Variants in FGF14 observed in about 807,000 individuals in gnomAD.
The protein encoded by FGF14 is fibroblast growth factor 14, also known as fibroblast growth factor homologous factor 4.
FGF14 carries 5 observed loss-of-function variants against 25.5 expected under a neutral mutation model. The ratio of observed to expected loss-of-function variants is 0.20; its 90% CI spans 0.10 to 0.41. The LOEUF (loss-of-function observed/expected upper bound fraction) is 0.41. Ranked by LOEUF, FGF14 falls within the 10% of genes least tolerant of loss-of-function variation. The pLI is 1.00. For synonymous variants in FGF14, 138 were observed against 118.3 expected (o/e 1.17, Z -1.08); for missense variants, 222 against 320.1 (o/e 0.69, Z 2.34).
chr13:101,831,903 T>C (rs940420676), intron 3 of FGF14, among the ~76,000 whole-genome samples: 7 of 152,048 alleles, frequency 4.6e-5, no homozygotes, highest in African/African-American at 1.7e-4. Context: ...AAGCTGCCAA[T>C]ATTGGGCGTG....
At chr13:102,235,249 T>C (rs2051276958) in intron 1 of FGF14, among the ~76,000 whole-genome samples, 1 of 152,246 alleles carries the variant, frequency 6.6e-6, no homozygotes, top group Non-Finnish European at 1.5e-5. Context: ...TATGATCCAT[T>C]AATCATGTAG....
At chr13:101,724,597 A>AATATATATATAT (rs201033233) in intron 4 of FGF14, among the ~76,000 whole-genome samples, 2,253 of 120,738 alleles carry the variant, frequency 0.019, 33 homozygotes, top group Non-Finnish European at 0.03. Flanking sequence ...ATAATAATAA[A>AATATATATATAT]ATATATATAT....
chr13:101,948,466 A>AT (rs1173131821), intron 1 of FGF14, among the ~76,000 whole-genome samples: 1 of 142,378 alleles, frequency 7.0e-6, no homozygotes, highest in Non-Finnish European at 1.5e-5. Flanking sequence ...AAGTATAATA[A>AT]AAAAATATAT....
intron 1 of FGF14, among the ~76,000 whole-genome samples, chr13:102,396,637 C>G (rs2058591333): frequency 6.6e-6 from 1 of 152,210 alleles, no homozygotes; most frequent in East Asian, 1.9e-4. Context: ...TTAGCACTTT[C>G]AGAAAGTACT....
intron 1 of FGF14, among the ~76,000 whole-genome samples, chr13:102,275,240 C>CTCTCTCTA: frequency 1.1e-5 from 1 of 92,526 alleles, no homozygotes. Flanking sequence ...AGATTTCTCT[C>CTCTCTCTA]TCTCTCTCTC....
intron 1 of FGF14, among the ~76,000 whole-genome samples, chr13:101,993,559 G>A (rs946094111): frequency 6.6e-6 from 1 of 152,016 alleles, no homozygotes; most frequent in African/African-American, 2.4e-5. Flanking sequence ...GTGTAATAGC[G>A]ATGAGCAGGA....
chr13:101,862,219 G>A (rs1252488171), intron 3 of FGF14, among the ~76,000 whole-genome samples: 1 of 151,782 alleles, frequency 6.6e-6, no homozygotes, highest in African/African-American at 2.4e-5. Context: ...TCTTGTGATG[G>A]GTTTTCTTCA....
chr13:101,898,397 G>T (rs1018782235), intron 1 of FGF14, among the ~76,000 whole-genome samples: 9 of 145,962 alleles, frequency 6.2e-5, no homozygotes, highest in African/African-American at 2.4e-4. Flanking sequence ...AATGAGTATT[G>T]ACAGAAATAC....
At chr13:102,074,980 G>GAA (rs1176576447) in intron 1 of FGF14, among the ~76,000 whole-genome samples, 1 of 152,134 alleles carries the variant, frequency 6.6e-6, no homozygotes, top group Non-Finnish European at 1.5e-5. Context: ...CCTCAGCAGG[G>GAA]AAAAGTTGAA....
rs1161659814 is a variant in FGF14 at position 101,862,715 on chromosome 13, G to T, written c.408+6010C>A. Among the ~76,000 whole-genome samples the T allele has an allele frequency of 2.0e-5, 3 of 152,132 alleles. No individual in the cohort carries two copies. In the East Asian group the frequency reaches 5.8e-4, roughly 29 times the overall value. The stretch of plus-strand genomic sequence containing the variant: ...GCTGGATGTTGAAATTAGCATTAGG[G>T]GGAAAATTAGCTGAAGTATCATACT... On this transcript the variant is annotated intron_variant, in intron 3 of 4. Transcript: ENST00000376143.
At chr13:102,377,111 G>A (rs2058059485) in intron 1 of FGF14, among the ~76,000 whole-genome samples, 1 of 151,492 alleles carries the variant, frequency 6.6e-6, no homozygotes, top group Admixed American at 6.6e-5. Context: ...CTAAGAAAAA[G>A]AAGTGAATGA....
chr13:101,957,906 A>T (rs1232214703), intron 1 of FGF14, among the ~76,000 whole-genome samples: 1 of 152,200 alleles, frequency 6.6e-6, no homozygotes, highest in African/African-American at 2.4e-5. Context: ...AGAAAAAAAA[A>T]TTGGTGAAGA....
chr13:102,298,621 G>C (rs995709038), intron 1 of FGF14, among the ~76,000 whole-genome samples: 1 of 152,004 alleles, frequency 6.6e-6, no homozygotes, highest in African/African-American at 2.4e-5. Flanking sequence ...TATAATAAAT[G>C]CGTTGTGCAC....
At chr13:101,883,649 T>A (rs1218586237) in intron 1 of FGF14, among the ~76,000 whole-genome samples, 2 of 152,156 alleles carry the variant, frequency 1.3e-5, no homozygotes, top group East Asian at 1.9e-4. Context: ...ATAGCTATCA[T>A]TTCCTGAGCA....
chr13:102,311,860 A>G (rs2055784964), intron 1 of FGF14, among the ~76,000 whole-genome samples: 1 of 152,180 alleles, frequency 6.6e-6, no homozygotes, highest in African/African-American at 2.4e-5. Context: ...CAACTTACCG[A>G]TGTGCTAAAA....
At chr13:102,205,595 A>C (rs947865796) in intron 1 of FGF14, among the ~76,000 whole-genome samples, 1 of 152,074 alleles carries the variant, frequency 6.6e-6, no homozygotes, top group African/African-American at 2.4e-5. Context: ...ACAGGAAGAA[A>C]TTGATAGCCT....
intron 3 of FGF14, among the ~76,000 whole-genome samples, chr13:101,821,440 C>T (rs2042151877): frequency 6.6e-6 from 1 of 152,206 alleles, no homozygotes; most frequent in African/African-American, 2.4e-5. Context: ...ATCCATTCTA[C>T]TACTGATGGA....
intron 1 of FGF14, among the ~76,000 whole-genome samples, chr13:101,936,041 C>T (rs774919771): frequency 6.6e-6 from 1 of 152,112 alleles, no homozygotes; most frequent in Non-Finnish European, 1.5e-5. Context: ...TTAAACATCC[C>T]ATATAAACTA....
chr13:101,978,319 C>G (rs1209732352), intron 1 of FGF14, among the ~76,000 whole-genome samples: 1 of 152,146 alleles, frequency 6.6e-6, no homozygotes, highest in Non-Finnish European at 1.5e-5. Context: ...ATTTTCTTGA[C>G]ATTTCTAGGC....
Sources: gnomAD v4.1 joint callset for allele counts (sites outside exome capture counted in the v4.1 genomes callset) on GRCh38, gnomAD v4.1.1 for gene constraint, MANE v1.5 for transcripts, NCBI Gene and HGNC (gene_info 2026-07-23, HGNC 2026-07-21) for gene names.